GPC3: variants seen among roughly 807,000 people sequenced by gnomAD.
GPC3 encodes glypican-3.
Under a neutral mutation model 34.4 loss-of-function variants are expected in GPC3, and 3 were observed. That is an observed-to-expected ratio of 0.09 (90% CI 0.04 to 0.23). GPC3 has a LOEUF of 0.23. Ranked by LOEUF, GPC3 falls within the 10% of genes least tolerant of loss-of-function variation. GPC3 has a pLI of 1.00. For synonymous variants in GPC3, 177 were observed against 174.0 expected (o/e 1.02, Z -0.13); for missense variants, 351 against 445.6 (o/e 0.79, Z 1.91).
At chrX:133,908,822 C>A (rs1164113572) in intron 2 of GPC3, among the ~76,000 whole-genome samples, 1 of 111,703 alleles carries the variant, frequency 9.0e-6, no homozygotes, top group African/African-American at 3.3e-5. Flanking sequence ...AAACTGCTGC[C>A]AAGTCACATC....
intron 2 of GPC3, among the ~76,000 whole-genome samples, chrX:133,893,663 CT>C (rs748894472): frequency 1.9e-4 from 21 of 111,122 alleles, no homozygotes; most frequent in Admixed American, 8.6e-4. Flanking sequence ...CGAACTAACC[CT>C]CAGGAAGCTT....
intron 2 of GPC3, among the ~76,000 whole-genome samples, chrX:133,760,155 A>T (rs902002116): frequency 2.7e-5 from 3 of 112,457 alleles, no homozygotes; most frequent in African/African-American, 9.7e-5. Flanking sequence ...AAAGAGGCAG[A>T]GCAACAGGCA....
chrX:133,958,865 G>A, intron 1 of GPC3, among the ~76,000 whole-genome samples: 1 of 99,638 alleles, frequency 1.0e-5, no homozygotes, highest in Non-Finnish European at 2.0e-5. Context: ...CAGCCTGGGA[G>A]ACAGAGTGAG....
At chrX:133,563,933 A>G (rs761157480) in intron 7 of GPC3, among the ~76,000 whole-genome samples, 3 of 110,959 alleles carry the variant, frequency 2.7e-5, no homozygotes, top group Non-Finnish European at 5.7e-5. Flanking sequence ...TTTTGGAAAG[A>G]GTGTGCTGGA....
At chrX:133,656,528 G>A (rs1224325552) in intron 6 of GPC3, among the ~76,000 whole-genome samples, 2 of 111,935 alleles carry the variant, frequency 1.8e-5, no homozygotes, top group African/African-American at 3.2e-5. Context: ...TAAAGATCAC[G>A]TTATCTAATG....
intron 2 of GPC3, among the ~76,000 whole-genome samples, chrX:133,916,894 A>G (rs1319641395): frequency 1.8e-5 from 2 of 110,542 alleles, no homozygotes; most frequent in Non-Finnish European, 3.8e-5. Flanking sequence ...TGATGATGAT[A>G]ATAATAATAA....
At chrX:133,627,997 G>A (rs1158215073) in intron 6 of GPC3, among the ~76,000 whole-genome samples, 1 of 112,368 alleles carries the variant, frequency 8.9e-6, no homozygotes, top group Non-Finnish European at 1.9e-5. Flanking sequence ...TGAGGATCCT[G>A]GAGTCTAGAA....
chrX:133,538,187 G>A (rs1383139804), intron 7 of GPC3, among the ~76,000 whole-genome samples: 2 of 112,116 alleles, frequency 1.8e-5, no homozygotes, highest in Non-Finnish European at 3.8e-5. Context: ...AAAGAGCAAT[G>A]CTCTACTTGG....
intron 7 of GPC3, among the ~76,000 whole-genome samples, chrX:133,552,719 G>A (rs142101882): frequency 1.4e-3 from 158 of 111,974 alleles, no homozygotes; most frequent in African/African-American, 4.6e-3. Flanking sequence ...TTTGCTCAAT[G>A]CAATCACACA....
At chrX:133,646,020 G>T (rs1027887744) in intron 6 of GPC3, among the ~76,000 whole-genome samples, 1 of 78,559 alleles carries the variant, frequency 1.3e-5, no homozygotes, top group Non-Finnish European at 2.6e-5. Context: ...ATCAACAAAA[G>T]AAAATATATA....
chrX:133,963,136 C>T (rs140540165), intron 1 of GPC3, among the ~76,000 whole-genome samples: 323 of 112,457 alleles, frequency 2.9e-3, no homozygotes, highest in African/African-American at 8.7e-3. Flanking sequence ...TACATGAATA[C>T]GGATATGGGG....
At chrX:133,917,046 G>C (rs1191042525) in intron 2 of GPC3, among the ~76,000 whole-genome samples, 5 of 111,928 alleles carry the variant, frequency 4.5e-5, no homozygotes, top group African/African-American at 1.6e-4. Flanking sequence ...CTCTAAAGTA[G>C]AGAATAATAT....
chrX:133,920,365 T>C (rs896241346), intron 2 of GPC3, among the ~76,000 whole-genome samples: 2 of 111,341 alleles, frequency 1.8e-5, no homozygotes, highest in African/African-American at 6.5e-5. Flanking sequence ...CATCAAGATC[T>C]TTTTAAAAGT....
chrX:133,787,459 G>C (rs1290749764), intron 2 of GPC3, among the ~76,000 whole-genome samples: 1 of 112,154 alleles, frequency 8.9e-6, no homozygotes, highest in Non-Finnish European at 1.9e-5. Flanking sequence ...CTAGCAATCA[G>C]GTGTTGGTTC....
At position 133,733,704 on chromosome X, in the gene GPC3, G is replaced by C. The variant is rs777170860; in HGVS notation, c.1032+19778C>G. On this transcript the variant is annotated intron_variant, in intron 3 of 7. Transcript: ENST00000370818. Reference sequence around the variant, plus strand: ...TTACTATAATCAGGAATGAAAGAGGGGGGACATTACTACTGGCCTTATATA... The same window carrying C: ...TTACTATAATCAGGAATGAAAGAGGCGGGACATTACTACTGGCCTTATATA... Among the ~76,000 whole-genome samples the C allele has an allele frequency of 9.9e-5, 11 of 110,735 alleles. No individual in the cohort carries two copies. The South Asian group carries it at 3.9e-3, about 39-fold the overall frequency.
rs188756300 is a variant in GPC3, at chrX:133,812,284, A to G, written c.338-58108T>C. Among the ~76,000 whole-genome samples, 4 of 112,430 alleles carry G rather than the reference A, an allele frequency of 3.6e-5. No homozygotes were observed. In the Admixed American group the frequency reaches 3.8e-4, roughly 11 times the overall value. Reference sequence around the variant, plus strand: ...AGATCTAGTCTCAAAAACATTTACCATTCTAGTCAGAAGGATCTACTTTTA... The same window carrying G: ...AGATCTAGTCTCAAAAACATTTACCGTTCTAGTCAGAAGGATCTACTTTTA... On this transcript the variant is annotated intron_variant, in intron 2 of 7. Transcript: ENST00000370818.
intron 2 of GPC3, among the ~76,000 whole-genome samples, chrX:133,867,106 G>A: frequency 9.1e-6 from 1 of 110,427 alleles, no homozygotes; most frequent in South Asian, 4.0e-4. Flanking sequence ...GCTGAGGCAG[G>A]AGAATCACTT....
At chrX:133,969,418 A>G (rs963125977) in intron 1 of GPC3, among the ~76,000 whole-genome samples, 1 of 112,312 alleles carries the variant, frequency 8.9e-6, no homozygotes, top group Non-Finnish European at 1.9e-5. Flanking sequence ...CTAAGCCACA[A>G]CAATGCCTGT....
intron 2 of GPC3, among the ~76,000 whole-genome samples, chrX:133,797,746 C>T (rs2075589416): frequency 9.1e-6 from 1 of 110,495 alleles, no homozygotes; most frequent in Non-Finnish European, 1.9e-5. Flanking sequence ...AGAAGAATCG[C>T]TTGAACCCAG....
Sources: gnomAD v4.1 joint callset for allele counts (sites outside exome capture counted in the v4.1 genomes callset) on GRCh38, gnomAD v4.1.1 for gene constraint, MANE v1.5 for transcripts, NCBI Gene and HGNC (gene_info 2026-07-23, HGNC 2026-07-21) for gene names.